The following PUM1 variants were observed in gnomAD, a reference collection of about 807,000 sequenced individuals.
The protein encoded by PUM1 is pumilio RNA binding family member 1, also known as pumilio homolog 1.
Under a neutral mutation model 131.8 loss-of-function variants are expected in PUM1, and 13 were observed. The observed-to-expected ratio is 0.10, with a 90% CI of 0.06 to 0.16. The LOEUF is 0.16. Ranked by LOEUF, PUM1 falls within the 10% of genes least tolerant of loss-of-function variation. The pLI is 1.00. For synonymous variants in PUM1, 509 were observed against 556.5 expected, an observed-to-expected ratio of 0.91 and a Z score of 1.20; for missense variants, 961 against 1,512.4, an observed-to-expected ratio of 0.64 and a Z score of 6.05.
At chr1:30,993,687 G>A (rs772653024) in intron 6 of PUM1, among the ~76,000 whole-genome samples, 1 of 152,110 alleles carries the variant, frequency 6.6e-6, no homozygotes, top group Non-Finnish European at 1.5e-5. Context: ...GCTACAGGCT[G>A]CTGGATATTC....
intron 7 of PUM1, among the ~76,000 whole-genome samples, chr1:30,989,929 C>CA (rs1160405887): frequency 2.6e-5 from 4 of 152,322 alleles, no homozygotes; most frequent in African/African-American, 7.2e-5. Flanking sequence ...ACATTTTTCT[C>CA]ATGAGAGAGA....
intron 3 of PUM1, among the ~76,000 whole-genome samples, chr1:31,024,799 T>C (rs1643164515): frequency 6.6e-6 from 1 of 152,170 alleles, no homozygotes; most frequent in African/African-American, 2.4e-5. Context: ...TCATGAACAG[T>C]AACAATGCTG....
chr1:30,955,019 T>C (rs1640091049), intron 14 of PUM1, among the ~76,000 whole-genome samples: 1 of 151,588 alleles, frequency 6.6e-6, no homozygotes, highest in Non-Finnish European at 1.5e-5. Context: ...CAGTAAGCCA[T>C]GATTGCACCA....
chr1:30,938,900 TAGATAGAC>T (rs796803616), intron 20 of PUM1, among the ~76,000 whole-genome samples: 23,819 of 138,754 alleles, frequency 0.17, 2,232 homozygotes, highest in South Asian at 0.28. Context: ...GATAGATAGA[TAGATAGAC>T]AGACAGACAG....
At chr1:31,044,578 G>T (rs967572826) in intron 2 of PUM1, among the ~76,000 whole-genome samples, 1 of 152,100 alleles carries the variant, frequency 6.6e-6, no homozygotes, top group South Asian at 2.1e-4. Context: ...GGGGAGTGAC[G>T]GCTGCTGGGT....
In PUM1 at chr1:30,992,410, C is replaced by A; in HGVS notation, c.1138G>T (p.Asp380Tyr). 1 of 1,613,970 alleles carries A rather than the reference C, an allele frequency of 6.2e-7. No homozygotes were observed. The highest frequency in any genetic ancestry group is 1.1e-5 in the South Asian group (1 of 91,034). ...DSAAATVGLF[D>Y]YNSQQQLFQR... ...AGTACCTGTTGTTGAGAATTGTAGT[C>A]AAAAAGTCCCACAGTTGCTGCTGCT... Residue 380 changes from aspartate (D) to tyrosine (Y), a missense_variant, in exon 7 of 22, where the codon GAC becomes TAC. This residue lies in a region of PUM1 where 654 missense variants were observed against 923.9 expected (regional missense o/e 0.71). Transcript: ENST00000426105.
chr1:30,942,196 T>TATATATAC, intron 18 of PUM1, 73 bp from the exon 19 acceptor site: 1 of 21,394 alleles, frequency 4.7e-5, no homozygotes, highest in Non-Finnish European at 1.2e-4. Flanking sequence ...ATTGTTTATA[T>TATATATAC]ATATATATAT....
At chr1:31,002,288 T>C (rs923104307) in intron 5 of PUM1, among the ~76,000 whole-genome samples, 1 of 152,166 alleles carries the variant, frequency 6.6e-6, no homozygotes, top group African/African-American at 2.4e-5. Flanking sequence ...ATACTACGAA[T>C]GTGTATACAT....
At chr1:30,996,763 T>C (rs980856866) in intron 5 of PUM1, among the ~76,000 whole-genome samples, 3 of 152,136 alleles carry the variant, frequency 2.0e-5, no homozygotes, top group Non-Finnish European at 2.9e-5. Context: ...AAAGCAGAGA[T>C]AGGAATATGA....
intron 10 of PUM1, among the ~76,000 whole-genome samples, chr1:30,970,220 G>T (rs1187142839): frequency 6.6e-6 from 1 of 151,878 alleles, no homozygotes; most frequent in African/African-American, 2.4e-5. Context: ...CAAGAAAATG[G>T]GTACAAATTA....
intron 18 of PUM1, among the ~76,000 whole-genome samples, chr1:30,943,159 G>A (rs1367196358): frequency 6.6e-6 from 1 of 152,128 alleles, no homozygotes; most frequent in Non-Finnish European, 1.5e-5. Flanking sequence ...TGCTACACTT[G>A]TAGTCTGGAG....
At chr1:31,035,029 C>G (rs1191441127) in intron 2 of PUM1, among the ~76,000 whole-genome samples, 1 of 152,190 alleles carries the variant, frequency 6.6e-6, no homozygotes, top group Non-Finnish European at 1.5e-5. Flanking sequence ...TAAATCTGTT[C>G]TACAGCATCT....
At chr1:30,949,999 A>G in intron 17 of PUM1, 128 bp downstream of exon 17, 5 of 1,080,200 alleles carry the variant, frequency 4.6e-6, no homozygotes, top group Non-Finnish European at 6.5e-6. Flanking sequence ...GCCATGCACA[A>G]AAAGGCAGCC....
At chr1:30,986,856 A>C (rs1361399829) in intron 7 of PUM1, among the ~76,000 whole-genome samples, 1 of 152,234 alleles carries the variant, frequency 6.6e-6, no homozygotes, top group Non-Finnish European at 1.5e-5. Context: ...AAATACCTAC[A>C]TTAAAAGTAT....
intron 2 of PUM1, among the ~76,000 whole-genome samples, chr1:31,029,673 G>GGCAAGGGATTCA (rs1643346757): frequency 6.6e-6 from 1 of 152,068 alleles, no homozygotes; most frequent in South Asian, 2.1e-4. Flanking sequence ...CCTACCCCTG[G>GGCAAGGGATTCA]GCAAGGGATT....
chr1:30,986,568 T>C (rs914610716), intron 7 of PUM1, among the ~76,000 whole-genome samples: 1 of 152,006 alleles, frequency 6.6e-6, no homozygotes, highest in African/African-American at 2.4e-5. Context: ...AAAAAAATCA[T>C]CATCATCATC....
chr1:31,035,284 T>C (rs1643570373), intron 2 of PUM1, among the ~76,000 whole-genome samples: 2 of 151,820 alleles, frequency 1.3e-5, no homozygotes, highest in South Asian at 4.2e-4. Flanking sequence ...TCCCAGCTAC[T>C]TGGGAGGCTG....
chr1:30,935,443 G>A (rs945472702), intron 21 of PUM1, among the ~76,000 whole-genome samples: 10 of 152,168 alleles, frequency 6.6e-5, no homozygotes, highest in Admixed American at 5.9e-4. Flanking sequence ...GCACTATCAC[G>A]TTTACCAATA....
intron 1 of PUM1, among the ~76,000 whole-genome samples, chr1:31,061,127 G>T (rs1449630586): frequency 6.6e-6 from 1 of 152,062 alleles, no homozygotes; most frequent in African/African-American, 2.4e-5. Context: ...AACAGGATGA[G>T]ACCAAACCAA....
Sources: gnomAD v4.1 joint callset for allele counts (sites outside exome capture counted in the v4.1 genomes callset) on GRCh38, gnomAD v4.1.1 for gene constraint, gnomAD v4.1.1 regional missense constraint, MANE v1.5 for transcripts, NCBI Gene and HGNC (gene_info 2026-07-23, HGNC 2026-07-21) for gene names.